The following BNIP1 variants were observed in gnomAD, a reference collection of about 807,000 sequenced individuals.
BNIP1 encodes vesicle transport protein SEC20.
BNIP1 carries 25 observed loss-of-function variants against 28.5 expected under a neutral mutation model. The ratio of observed to expected loss-of-function variants is 0.88; its 90% CI spans 0.64 to 1.23. BNIP1 has a LOEUF of 1.23. BNIP1 is among the 50% of genes most tolerant of loss of function. The probability of loss-of-function intolerance (pLI) is 0.00; values close to 1 mark genes in which losing one functional copy is unlikely to be tolerated. For missense variants in BNIP1, 276 were observed against 277.0 expected (o/e 1.00, Z 0.02); for synonymous variants, 118 against 101.7 (o/e 1.16, Z -0.96).
intron 2 of BNIP1, among the ~76,000 whole-genome samples, chr5:173,151,189 T>C (rs918178854): frequency 6.6e-6 from 1 of 152,166 alleles, no homozygotes; most frequent in South Asian, 2.1e-4. Context: ...AATTTTTCCA[T>C]TTCAGTAATC....
At chr5:173,150,642 T>C (rs1016132002) in intron 2 of BNIP1, among the ~76,000 whole-genome samples, 3 of 152,210 alleles carry the variant, frequency 2.0e-5, no homozygotes, top group African/African-American at 7.2e-5. Flanking sequence ...CAGTGAAAAG[T>C]CTCAGTTATG....
chr5:173,163,192 C>T (rs969869094), intron 5 of BNIP1, among the ~76,000 whole-genome samples: 13 of 152,188 alleles, frequency 8.5e-5, no homozygotes, highest in Admixed American at 8.5e-4. Flanking sequence ...AAGCTACAGC[C>T]AGTATCCCTG....
Position 173,146,925 on chromosome 5 carries a change from A to C in BNIP1, c.144A>C (p.Lys48Asn). ...SALTELNTKV[K>N]EKFQQLRHRI... ...TTACTGAACTGAATACTAAAGTAAAAGAGAAATTTCAACAGTTGCGTCACA... is the reference window on the plus strand; with the variant it reads ...TTACTGAACTGAATACTAAAGTAAACGAGAAATTTCAACAGTTGCGTCACA... Residue 48 changes from lysine (K) to asparagine (N), a missense_variant, in exon 2 of 6, where the codon AAA (lysine) becomes AAC (asparagine). Lys to Asn is a moderately conservative substitution (Grantham distance 94). Coordinates refer to ENST00000351486, the MANE Select transcript of BNIP1 (RefSeq NM_001205.3). The C allele has an allele frequency of 6.2e-7, 1 of 1,614,006 alleles. No homozygotes were observed. The highest frequency in any genetic ancestry group is 8.5e-7 in the Non-Finnish European group (1 of 1,179,884).
At chr5:173,156,857 C>T (rs1363125072) in intron 3 of BNIP1, among the ~76,000 whole-genome samples, 1 of 151,676 alleles carries the variant, frequency 6.6e-6, no homozygotes, top group East Asian at 1.9e-4. Context: ...TCCGTGTTAG[C>T]CAGGACGGTC....
chr5:173,147,301 A>G (rs907471392), intron 2 of BNIP1, among the ~76,000 whole-genome samples: 2 of 152,050 alleles, frequency 1.3e-5, no homozygotes, highest in Non-Finnish European at 2.9e-5. Context: ...GCTACTCAGG[A>G]GGCTGAGGCA....
At chr5:173,163,036 C>G (rs540396354) in intron 5 of BNIP1, among the ~76,000 whole-genome samples, 8 of 152,260 alleles carry the variant, frequency 5.3e-5, no homozygotes, top group African/African-American at 1.9e-4. Context: ...CTGATGATGC[C>G]TTGCTATGTT....
intron 1 of BNIP1, among the ~76,000 whole-genome samples, chr5:173,146,034 TC>T (rs1759826340): frequency 6.6e-6 from 1 of 152,252 alleles, no homozygotes; most frequent in Non-Finnish European, 1.5e-5. Flanking sequence ...TTTCACATAA[TC>T]TAAATTGCTT....
At position 173,153,468 on chromosome 5, in the gene BNIP1, C is replaced by A. The variant is rs189061902; in HGVS notation, c.178-854C>A. ...GGTCTCGATCTCCTGACCTCGTGAT[C>A]TCCCCGCCTCGGCCTCCCAAAGTGC... On this transcript the variant is annotated intron_variant, in intron 2 of 5. Transcript: ENST00000351486. Among the ~76,000 whole-genome samples the A allele has an allele frequency of 6.0e-4, 91 of 152,258 alleles. 1 individual carries two copies. The highest frequency in any genetic ancestry group is 1.3e-4 in the Non-Finnish European group (9 of 68,028).
intron 4 of BNIP1, 72 bp from the exon 5 acceptor site, chr5:173,159,861 T>G: frequency 1.6e-6 from 2 of 1,235,060 alleles, no homozygotes; most frequent in Non-Finnish European, 2.4e-6. Context: ...GAGATCTCAT[T>G]TGGATGTGGG....
intron 3 of BNIP1, among the ~76,000 whole-genome samples, chr5:173,155,100 A>T (rs997557935): frequency 1.3e-5 from 2 of 152,224 alleles, no homozygotes; most frequent in East Asian, 1.9e-4. Context: ...GAAGGTTTTG[A>T]GTGGGATGCT....
intron 2 of BNIP1, among the ~76,000 whole-genome samples, chr5:173,148,148 A>T (rs1759919731): frequency 1.8e-5 from 2 of 110,770 alleles, no homozygotes. Flanking sequence ...TTTAATAGAG[A>T]TGGATTTTTT....
At chr5:173,144,768 C>T (rs1288111343) in intron 1 of BNIP1, 139 bp downstream of exon 1, 9 of 849,330 alleles carry the variant, frequency 1.1e-5, no homozygotes, top group Non-Finnish European at 1.6e-5. Flanking sequence ...TCGGCTACCC[C>T]CCCGGTCCCC....
At position 173,163,830 on chromosome 5, in the gene BNIP1, T is replaced by C; in HGVS notation, c.596T>C (p.Leu199Pro). The C allele has an allele frequency of 6.2e-7, 1 of 1,614,040 alleles. No individual in the cohort carries two copies. Among genetic ancestry groups the C allele is most frequent in the Non-Finnish European group, 8.5e-7 (1 of 1,179,960 alleles). The stretch of plus-strand genomic sequence containing the variant: ...ATCACAAAATACAATCGCCGGGAGC[T>C]GACGGACAAGCTTCTCATCTTCCTT... The part of the protein sequence containing the change: ...KLITKYNRRE[L>P]TDKLLIFLAL... The change falls in exon 6 of 6, where the codon CTG becomes CCG. Residue 199 changes from leucine to proline, a missense_variant. Physicochemically the swap from Leu to Pro is moderately conservative, Grantham distance 98. Coordinates refer to ENST00000351486, the MANE Select transcript of BNIP1 (RefSeq NM_001205.3).
At chr5:173,151,791 CA>C in intron 2 of BNIP1, 1 of 1,541,152 alleles carries the variant, frequency 6.5e-7, no homozygotes, top group Non-Finnish European at 8.7e-7. Context: ...TGTACATTTA[CA>C]TATTTATTAT....
chr5:173,153,895 T>C (rs1760102326), intron 2 of BNIP1, among the ~76,000 whole-genome samples: 1 of 152,222 alleles, frequency 6.6e-6, no homozygotes, highest in Non-Finnish European at 1.5e-5. Flanking sequence ...ATTACTCGTC[T>C]TTAATTAAAT....
In BNIP1 at chr5:173,162,508, A is replaced by C. The variant is rs1221356042; in HGVS notation, c.491-1217A>C. 3.3e-5 allele frequency among the ~76,000 whole-genome samples: 5 copies of C among 152,166 alleles called. No homozygotes were observed. The South Asian group carries it at 8.3e-4, about 25-fold the overall frequency. ...GCTGGGCGTGGTGGTGCATGCCTGT[A>C]GTCCCAGCTACTGGGGAGGCTGAGG... On this transcript the variant is annotated intron_variant, in intron 5 of 5. Transcript: ENST00000351486.
intron 2 of BNIP1, among the ~76,000 whole-genome samples, chr5:173,150,185 G>C (rs1481578978): frequency 2.0e-5 from 3 of 151,672 alleles, no homozygotes; most frequent in African/African-American, 7.3e-5. Flanking sequence ...TTGAACCTGG[G>C]AGTTGGAGGT....
At chr5:173,152,476 A>G (rs1760052043) in intron 2 of BNIP1, among the ~76,000 whole-genome samples, 1 of 151,736 alleles carries the variant, frequency 6.6e-6, no homozygotes, top group Non-Finnish European at 1.5e-5. Context: ...CAGCCTCCCG[A>G]GTACCTGGGA....
intron 2 of BNIP1, among the ~76,000 whole-genome samples, chr5:173,148,605 G>T (rs958833701): frequency 1.1e-4 from 16 of 152,094 alleles, no homozygotes; most frequent in Admixed American, 2.0e-4. Flanking sequence ...TCTCCCTGAG[G>T]ACAGGAACAG....
Sources: allele counts gnomAD v4.1 joint callset (sites outside exome capture counted in the v4.1 genomes callset), GRCh38; gene constraint gnomAD v4.1.1; transcripts MANE v1.5; gene names NCBI Gene and HGNC (gene_info 2026-07-23, HGNC 2026-07-21).